The following C14orf132 variants were observed in gnomAD, a reference collection of about 807,000 sequenced individuals.
C14orf132 encodes chromosome 14 open reading frame 132, also known as uncharacterized protein C14orf132.
In C14orf132, 6 loss-of-function variants were observed where a neutral mutation model predicts 5.8. That is an observed-to-expected ratio of 1.03 (90% CI 0.57 to 2.04). C14orf132 has a LOEUF of 2.04. C14orf132 is among the 30% of genes most tolerant of loss of function. The pLI is 0.00. For synonymous variants in C14orf132, 51 were observed against 49.8 expected (o/e 1.02, Z -0.10); for missense variants, 125 against 115.8 (o/e 1.08, Z -0.37).
chr14:96,051,676 C>T (rs965278024), intron 1 of C14orf132, among the ~76,000 whole-genome samples: 5 of 152,224 alleles, frequency 3.3e-5, no homozygotes, highest in Non-Finnish European at 7.3e-5. Context: ...CTTCCTGCAT[C>T]TCCTGCCTTC....
intron 1 of C14orf132, among the ~76,000 whole-genome samples, chr14:96,048,103 G>A (rs1201558494): frequency 6.6e-5 from 10 of 152,108 alleles, no homozygotes; most frequent in Admixed American, 4.6e-4. Context: ...CAGGAGAATC[G>A]CTTGAACCTG....
At chr14:96,074,442 T>C (rs1332920316) in intron 1 of C14orf132, among the ~76,000 whole-genome samples, 2 of 152,190 alleles carry the variant, frequency 1.3e-5, no homozygotes, top group African/African-American at 4.8e-5. Context: ...CTGCCTACCA[T>C]AAGATTACAG....
chr14:96,078,523 A>T (rs1423220793), intron 1 of C14orf132, among the ~76,000 whole-genome samples: 1 of 152,098 alleles, frequency 6.6e-6, no homozygotes. Context: ...GGCCTCGGCC[A>T]TTGCTTGTTG....
At chr14:96,086,376 C>A (rs1888184945) in intron 1 of C14orf132, 135 bp from the exon 2 acceptor site, 2 of 740,646 alleles carry the variant, frequency 2.7e-6, no homozygotes, top group African/African-American at 1.8e-5. Context: ...ACCACAAAAG[C>A]AAAGCCCCAT....
chr14:96,070,619 C>T (rs1256687665), intron 1 of C14orf132, among the ~76,000 whole-genome samples: 1 of 151,816 alleles, frequency 6.6e-6, no homozygotes, highest in African/African-American at 2.4e-5. Flanking sequence ...CACACACACA[C>T]ACACACACAC....
At chr14:96,068,171 G>C (rs999539692) in intron 1 of C14orf132, among the ~76,000 whole-genome samples, 18 of 152,212 alleles carry the variant, frequency 1.2e-4, no homozygotes, top group African/African-American at 4.3e-4. Flanking sequence ...ACCCTGCGTG[G>C]GCGAACAGCA....
chr14:96,040,060 C>A (rs1020892847), intron 1 of C14orf132, among the ~76,000 whole-genome samples: 2 of 151,874 alleles, frequency 1.3e-5, no homozygotes, highest in Non-Finnish European at 2.9e-5. Context: ...CGACGCGCCG[C>A]GGTCGTTTGT....
intron 1 of C14orf132, among the ~76,000 whole-genome samples, chr14:96,084,984 C>T (rs1888136881): frequency 6.6e-6 from 1 of 152,228 alleles, no homozygotes; most frequent in South Asian, 2.1e-4. Flanking sequence ...ACGTGTGTGC[C>T]TCTCATGTTC....
At chr14:96,079,417 G>A (rs1482592961) in intron 1 of C14orf132, among the ~76,000 whole-genome samples, 3 of 152,020 alleles carry the variant, frequency 2.0e-5, no homozygotes, top group East Asian at 1.9e-4. Flanking sequence ...TCTTCACCCC[G>A]TCGAAATCCC....
chr14:96,084,282 G>A (rs542527186), intron 1 of C14orf132, among the ~76,000 whole-genome samples: 11 of 152,154 alleles, frequency 7.2e-5, no homozygotes, highest in Non-Finnish European at 1.0e-4. Context: ...GGCAGGGGTC[G>A]CGGGGGGATG....
intron 1 of C14orf132, among the ~76,000 whole-genome samples, chr14:96,062,851 C>T (rs1887403615): frequency 6.6e-6 from 1 of 152,060 alleles, no homozygotes. Flanking sequence ...AGTCTTGTTT[C>T]TGAGATGATT....
chr14:96,056,545 C>T (rs184388825), intron 1 of C14orf132, among the ~76,000 whole-genome samples: 171 of 152,288 alleles, frequency 1.1e-3, no homozygotes, highest in African/African-American at 3.9e-3. Context: ...GCACATCACC[C>T]ATCTTCCTGA....
intron 1 of C14orf132, among the ~76,000 whole-genome samples, chr14:96,067,221 G>A (rs985584541): frequency 2.0e-5 from 3 of 152,156 alleles, no homozygotes; most frequent in Admixed American, 2.0e-4. Context: ...AAAGGCAGTC[G>A]CGCCAGCAGC....
intron 1 of C14orf132, among the ~76,000 whole-genome samples, chr14:96,070,914 G>T (rs569142999): frequency 4.8e-4 from 73 of 152,220 alleles, no homozygotes; most frequent in Non-Finnish European, 7.6e-4. Context: ...GTTAATGACT[G>T]CCACACTGTA....
At chr14:96,056,773 T>C (rs10135486) in intron 1 of C14orf132, among the ~76,000 whole-genome samples, 94,146 of 151,802 alleles carry the variant, frequency 0.62, 29,795 homozygotes, top group East Asian at 0.89. Flanking sequence ...ACTCCTGGAG[T>C]TGCAGTCAGA....
rs7342503 is a variant in C14orf132, at chr14:96,068,073, T to C, written c.28-18438T>C. Among the ~76,000 whole-genome samples the C allele has an allele frequency of 6.7e-3, 1,015 of 152,278 alleles. 9 individuals carry two copies. Among genetic ancestry groups the C allele is most frequent in the African/African-American group, 0.023 (971 of 41,534 alleles). On this transcript the variant is annotated intron_variant, in intron 1 of 1. Transcript: ENST00000555004. ...TTCATTTTTATTTCATCCACCTCAT[T>C]GTAAATTGAAGACTCTCCAGCATGG... is the stretch of plus-strand genomic sequence containing the variant.
intron 1 of C14orf132, among the ~76,000 whole-genome samples, chr14:96,078,754 G>C (rs1481242725): frequency 6.6e-6 from 1 of 152,140 alleles, no homozygotes; most frequent in East Asian, 1.9e-4. Flanking sequence ...ATCCCTTCAG[G>C]AGGACCTGCC....
At chr14:96,068,167 C>T (rs1209120765) in intron 1 of C14orf132, among the ~76,000 whole-genome samples, 4 of 152,176 alleles carry the variant, frequency 2.6e-5, no homozygotes, top group East Asian at 1.9e-4. Flanking sequence ...CTGCACCCTG[C>T]GTGGGCGAAC....
chr14:96,074,130 T>C (rs1384836156), intron 1 of C14orf132, among the ~76,000 whole-genome samples: 3 of 152,190 alleles, frequency 2.0e-5, no homozygotes, highest in Non-Finnish European at 2.9e-5. Context: ...ATGGCACTTG[T>C]TAACCTACGT....
Sources: gnomAD v4.1 joint callset for allele counts (sites outside exome capture counted in the v4.1 genomes callset) on GRCh38, gnomAD v4.1.1 for gene constraint, MANE v1.5 for transcripts, NCBI Gene and HGNC (gene_info 2026-07-23, HGNC 2026-07-21) for gene names.